The following NF1 variants were observed in gnomAD, a reference collection of about 807,000 sequenced individuals.
NF1 encodes the protein neurofibromin 1.
A neutral mutation model predicts 325.7 loss-of-function variants in NF1; 122 were observed. The ratio of observed to expected loss-of-function variants is 0.37; its 90% confidence interval spans 0.32 to 0.44. The LOEUF (loss-of-function observed/expected upper bound fraction) is 0.44, where lower values mean the gene tolerates loss of function less well. NF1 is among the 20% of genes least tolerant of loss of function. The pLI is 1.00. For synonymous variants in NF1, 1,091 were observed against 1,186.0 expected (o/e 0.92, Z 1.65); for missense variants, 2,140 against 3,415.4 (o/e 0.63, Z 9.31).
At chr17:31,214,152 T>C (rs906017951) in intron 12 of NF1, among the ~76,000 whole-genome samples, 4 of 152,096 alleles carry the variant, frequency 2.6e-5, no homozygotes, top group Admixed American at 1.3e-4. Context: ...TAGAAAATAG[T>C]TTTTTACATA....
At chr17:31,332,094 T>C (rs2069513191) in intron 39 of NF1, among the ~76,000 whole-genome samples, 1 of 151,770 alleles carries the variant, frequency 6.6e-6, no homozygotes. Flanking sequence ...CTTCAAAACA[T>C]AGCTACTCAA....
intron 36 of NF1, chr17:31,273,538 C>T (rs888531617): frequency 6.6e-6 from 1 of 152,138 alleles, no homozygotes; most frequent in Non-Finnish European, 1.5e-5. Context: ...TTACATTTGG[C>T]TCTAATATGT....
chr17:31,286,718 T>C (rs375774052), intron 36 of NF1, among the ~76,000 whole-genome samples: 1 of 152,340 alleles, frequency 6.6e-6, no homozygotes. Flanking sequence ...GTATGCCAGT[T>C]ACTCTTACAC....
intron 27 of NF1, among the ~76,000 whole-genome samples, chr17:31,234,354 C>T (rs2151436689): frequency 6.6e-6 from 1 of 152,236 alleles, no homozygotes; most frequent in African/African-American, 2.4e-5. Context: ...ATAATTAGCA[C>T]TGAAAATAGT....
chr17:31,134,777 T>A (rs556365380), intron 1 of NF1, among the ~76,000 whole-genome samples: 1 of 152,330 alleles, frequency 6.6e-6, no homozygotes, highest in East Asian at 1.9e-4. Flanking sequence ...TCCATCTGGC[T>A]GCTTGTAATG....
intron 1 of NF1, among the ~76,000 whole-genome samples, chr17:31,143,984 G>A (rs1916413444): frequency 6.6e-6 from 1 of 152,042 alleles, no homozygotes; most frequent in African/African-American, 2.4e-5. Context: ...ACGACGCCCA[G>A]CTAATTTTTG....
At chr17:31,231,732 T>G (rs927983727) in intron 24 of NF1, among the ~76,000 whole-genome samples, 1 of 152,158 alleles carries the variant, frequency 6.6e-6, no homozygotes, top group African/African-American at 2.4e-5. Context: ...ACCCTCCTTT[T>G]TTTTCCCCCA....
rs1457842894 is a variant in NF1 at position 31,305,015 on chromosome 17, TG to T, written c.4836-20804del. 11 of 1,614,170 alleles carry T rather than the reference TG, an allele frequency of 6.8e-6. No individual in the cohort carries two copies. The East Asian group carries it at 8.9e-5, about 13-fold the overall frequency. ...AGTATGGCAGCTATTGAATTATAAT[TG>T]TTTTTTTGTGGGGTTTGTTTGTTAC... On this transcript the variant is annotated intron_variant, in intron 36 of 57. Coordinates refer to ENST00000358273, the MANE Select transcript of NF1 (RefSeq NM_001042492.3).
At chr17:31,322,218 C>T (rs2069220368) in intron 36 of NF1, among the ~76,000 whole-genome samples, 1 of 151,982 alleles carries the variant, frequency 6.6e-6, no homozygotes. Context: ...GTGGCTCACA[C>T]CTGTAATCCC....
intron 1 of NF1, among the ~76,000 whole-genome samples, chr17:31,123,611 G>GAAAATAATTA (rs1290936741): frequency 6.6e-6 from 1 of 152,174 alleles, no homozygotes; most frequent in African/African-American, 2.4e-5. Flanking sequence ...ATAATGTTAG[G>GAAAATAATTA]AAAATAATTA....
intron 57 of NF1, among the ~76,000 whole-genome samples, chr17:31,365,089 C>G (rs888506118): frequency 2.9e-4 from 44 of 151,792 alleles, no homozygotes; most frequent in Non-Finnish European, 1.0e-4. Flanking sequence ...TGCTTGAGAC[C>G]AGCCTGGGCA....
chr17:31,145,006 G>A (rs1162443498), intron 1 of NF1, among the ~76,000 whole-genome samples: 2 of 152,174 alleles, frequency 1.3e-5, no homozygotes, highest in East Asian at 3.9e-4. Context: ...GGCTTTTCAT[G>A]ATCTGACTCC....
intron 36 of NF1, among the ~76,000 whole-genome samples, chr17:31,322,125 ACAC>A (rs1314768932): frequency 2.9e-5 from 4 of 137,916 alleles, no homozygotes; most frequent in East Asian, 4.2e-4. Context: ...ACACACACAC[ACAC>A]AACTGTCAAA....
rs755190083 is a variant in NF1, at chr17:31,206,286, C to T, written c.1307C>T (p.Ser436Leu). 1.9e-6 allele frequency: 3 copies of T among 1,613,810 alleles called. No homozygotes were observed. Among genetic ancestry groups the T allele is most frequent in the Non-Finnish European group, 1.7e-6 (2 of 1,179,756 alleles). Residue 436 changes from serine to leucine, a missense_variant, in exon 12 of 58, where the codon TCG becomes TTG. Ser to Leu is a moderately radical substitution (Grantham distance 145). Coordinates refer to ENST00000358273, the MANE Select transcript of NF1 (RefSeq NM_001042492.3). ...AAGATTGATGCTGTGTATTGTCACT[C>T]GGTTGAACTTCGAAATATGTTTGGT... is the stretch of plus-strand genomic sequence containing the variant. The part of the protein sequence containing the change: ...WPKIDAVYCH[S>L]VELRNMFGET...
intron 1 of NF1, chr17:31,136,954 T>C (rs1381385938): frequency 6.6e-6 from 1 of 152,214 alleles, no homozygotes; most frequent in African/African-American, 2.4e-5. Context: ...TATTCTTGAA[T>C]GATAGTTTTG....
intron 39 of NF1, among the ~76,000 whole-genome samples, chr17:31,332,192 G>A (rs1037344077): frequency 3.9e-5 from 6 of 152,094 alleles, no homozygotes; most frequent in African/African-American, 1.4e-4. Flanking sequence ...TCGGCCAGAC[G>A]CGGTGGCTCA....
intron 36 of NF1, among the ~76,000 whole-genome samples, chr17:31,286,657 A>C (rs1479080848): frequency 6.6e-6 from 1 of 152,236 alleles, no homozygotes; most frequent in Non-Finnish European, 1.5e-5. Flanking sequence ...TATAAGGAAT[A>C]CAGATGAGTA....
intron 16 of NF1, among the ~76,000 whole-genome samples, chr17:31,223,816 A>G (rs1452995514): frequency 2.6e-5 from 4 of 152,162 alleles, no homozygotes; most frequent in Non-Finnish European, 4.4e-5. Flanking sequence ...ATAGGTCTCT[A>G]TGGGGCAGGC....
intron 36 of NF1, chr17:31,299,397 A>G (rs890628659): frequency 7.2e-5 from 11 of 152,072 alleles, no homozygotes; most frequent in Non-Finnish European, 1.5e-5. Flanking sequence ...TTTAAATATT[A>G]TTCAGACTCA....
Sources: allele counts gnomAD v4.1 joint callset (sites outside exome capture counted in the v4.1 genomes callset), GRCh38; gene constraint gnomAD v4.1.1; transcripts MANE v1.5; gene names NCBI Gene and HGNC (gene_info 2026-07-23, HGNC 2026-07-21).